The following TTLL10 variants were observed in gnomAD, a reference collection of about 807,000 sequenced individuals.
TTLL10 encodes tubulin tyrosine ligase like 10.
Under a neutral mutation model 69.0 loss-of-function variants are expected in TTLL10, and 61 were observed. The ratio of observed to expected loss-of-function variants is 0.88; its 90% CI spans 0.72 to 1.09. TTLL10 has a LOEUF of 1.09. TTLL10 is among the 50% of genes least tolerant of loss of function. The pLI, the probability that TTLL10 is intolerant of heterozygous loss-of-function variation, is 0.00. For missense variants in TTLL10, 962 were observed against 945.9 expected (o/e 1.02, Z -0.22); for synonymous variants, 408 against 393.3 (o/e 1.04, Z -0.44).
Position 1,180,022 on chromosome 1 carries a change from C to T in TTLL10, c.200-12C>T, listed in dbSNP as rs768804708. ...CCGTAGCCACCCCGGTGGGACCCCA[C>T]CCCGTTCACAGGCCCGGCCCACGAG... On this transcript the variant is annotated splice_polypyrimidine_tract_variant and intron_variant, in intron 5 of 15. Coordinates refer to ENST00000379289, the MANE Select transcript of TTLL10 (RefSeq NM_001130045.2). The T allele has an allele frequency of 2.0e-6, 3 of 1,517,776 alleles. No homozygotes were observed. Among genetic ancestry groups the T allele is most frequent in the East Asian group, 2.3e-5 (1 of 43,606 alleles). The allele number at this position is 1,517,776 out of a possible 1,614,324, so 94.0% of individuals were successfully genotyped here.
rs1205396656 is a variant in TTLL10 at position 1,197,654 on chromosome 1, G to A, written c.1829G>A (p.Arg610His). The A allele has an allele frequency of 4.0e-6, 6 of 1,498,546 alleles. No homozygotes were observed. Among genetic ancestry groups the A allele is most frequent in the East Asian group, 5.4e-5 (2 of 36,964 alleles). The allele number at this position is 1,498,546 out of a possible 1,614,324, so 92.8% of individuals were successfully genotyped here. Residue 610 changes from arginine (R) to histidine (H), a missense_variant, in exon 16 of 16, where the codon CGC (arginine) becomes CAC (histidine). By Grantham distance (29) the Arg-to-His change is conservative. Transcript: ENST00000379289. ...CATGCCCCAGACCAGCCGGGCGCCC[G>A]CAGGCCTGCGCCACCTCCCTTGGTG... ...MPHAPDQPGA[R>H]RPAPPPLVPQ...
In TTLL10 at chr1:1,182,436, C is replaced by G. The variant is rs1233184676; in HGVS notation, c.906C>G (p.Thr302=). 6 of 1,613,764 alleles carry G rather than the reference C, an allele frequency of 3.7e-6. No individual in the cohort carries two copies. Among genetic ancestry groups the G allele is most frequent in the Non-Finnish European group, 5.1e-6 (6 of 1,179,912 alleles). The change falls in exon 10 of 16, where the codon ACC becomes ACG. Residue 302 remains threonine, a synonymous_variant. Coordinates refer to ENST00000379289, the MANE Select transcript of TTLL10 (RefSeq NM_001130045.2). ...DLKHEREAFF[T]LFDETQIWIC... is the part of the protein sequence containing the mutation. The stretch of plus-strand genomic sequence containing the variant: ...AACACGAGAGAGAGGCCTTTTTCAC[C>G]TTGTTTGATGGTGAGACGCTGCTGG...
At chr1:1,187,034 G>A (rs1395141556) in intron 13 of TTLL10, among the ~76,000 whole-genome samples, 1 of 151,148 alleles carries the variant, frequency 6.6e-6, no homozygotes, top group Non-Finnish European at 1.5e-5. Flanking sequence ...TTTTAGTAGA[G>A]ACAGGGTTTC....
In TTLL10 at chr1:1,189,663, T is replaced by C. The variant is rs533102613; in HGVS notation, c.1401+4554T>C. Among the ~76,000 whole-genome samples, 6 of 152,340 alleles carry C rather than the reference T, an allele frequency of 3.9e-5. No individual in the cohort carries two copies. The South Asian group carries it at 1.0e-3, about 26-fold the overall frequency. On this transcript the variant is annotated intron_variant, in intron 13 of 15. Coordinates refer to ENST00000379289, the MANE Select transcript of TTLL10 (RefSeq NM_001130045.2). ...TTTTGGAGTCTTTGTGAAGGATTGC[T>C]GTTAATTCTTTGTTTGAAATAATTC... is the stretch of plus-strand genomic sequence containing the variant.
At position 1,185,207 on chromosome 1, in the gene TTLL10, G is replaced by A. The variant is rs564162557; in HGVS notation, c.1401+98G>A. ...AGGCACACAGATGTCCGTGGCGTGC[G>A]TGGGCGGCTGCGCTGAAGTGTGACC... On this transcript the variant is annotated intron_variant, in intron 13 of 15. Transcript: ENST00000379289. This position sits in a 1 kb window ranked among gnomAD's most constrained non-coding sequence, Gnocchi z 6.1. The A allele has an allele frequency of 6.4e-5, 98 of 1,542,182 alleles. No homozygotes were observed. The highest frequency in any genetic ancestry group is 3.9e-4 in the East Asian group (17 of 43,674).
In TTLL10 at chr1:1,185,053, GAC is replaced by G. The variant is rs750514780; in HGVS notation, c.1348_1349del (p.Thr450ValfsTer43). The part of the protein sequence containing the change: ...SMEHLNRYIS[D>X]TFWKARGLAK... ...GGAACACCTCAACCGCTACATCAGT[GAC>G]ACGTTCTGGAAGGCCCGGGGCCTCG... On this transcript the variant is annotated frameshift_variant, in exon 13 of 16. Transcript: ENST00000379289. LOFTEE classifies it high-confidence loss of function. The surrounding 1 kb of genome is among the most constrained non-coding windows in gnomAD (Gnocchi z 6.1). 5.0e-6 allele frequency: 8 copies of G among 1,613,968 alleles called. No homozygotes were observed. Among genetic ancestry groups the G allele is most frequent in the Non-Finnish European group, 6.8e-6 (8 of 1,180,022 alleles).
Position 1,180,479 on chromosome 1 carries a change from G to A in TTLL10, c.507-4G>A, listed in dbSNP as rs372983676. The A allele has an allele frequency of 3.7e-4, 322 of 879,320 alleles. 1 individual carries two copies. Among genetic ancestry groups the A allele is most frequent in the Non-Finnish European group, 4.6e-4 (274 of 595,078 alleles). 54.5% of individuals were successfully genotyped at this position (879,320 alleles called of 1,614,324 possible). On this transcript the variant is annotated splice_region_variant and splice_polypyrimidine_tract_variant and intron_variant, in intron 6 of 15. Transcript: ENST00000379289. ...CAGGTCACCCCCGCCCCCACCCCTC[G>A]CAGCATCAGCTCCTACTGCAAAAGC...
In TTLL10 at chr1:1,183,985, C is replaced by T. The variant is rs760710090; in HGVS notation, c.1154C>T (p.Ala385Val). The T allele has an allele frequency of 1.9e-6, 3 of 1,614,238 alleles. No individual in the cohort carries two copies. Among genetic ancestry groups the T allele is most frequent in the Middle Eastern group, 1.6e-4 (1 of 6,062 alleles). The change falls in exon 12 of 16, where the codon GCC becomes GTC. Residue 385 changes from alanine to valine, a missense_variant. Ala to Val is a moderately conservative substitution (Grantham distance 64). Coordinates refer to ENST00000379289, the MANE Select transcript of TTLL10 (RefSeq NM_001130045.2). ...GACGTGCGCTCCTACCTGCTCATTG[C>T]CTGCACCACACCCTACATGATCTTC... Reference protein sequence around the residue: ...KFDVRSYLLIACTTPYMIFFG... With the variant: ...KFDVRSYLLIVCTTPYMIFFG...
intron 5 of TTLL10, 111 bp from the exon 6 acceptor site, chr1:1,179,923 G>A: frequency 6.9e-7 from 1 of 1,439,114 alleles, no homozygotes; most frequent in African/African-American, 1.4e-5. Context: ...CGGGCCAGGG[G>A]GATTGTCCAG....
intron 13 of TTLL10, among the ~76,000 whole-genome samples, chr1:1,188,878 C>T (rs922637917): frequency 1.2e-4 from 18 of 152,166 alleles, no homozygotes; most frequent in Admixed American, 8.5e-4. Flanking sequence ...CTGTCACCTA[C>T]GGTAAATATT....
chr1:1,179,549 C>T (rs1646977332), intron 4 of TTLL10, 108 bp from the exon 5 acceptor site: 4 of 1,508,014 alleles, frequency 2.7e-6, no homozygotes, highest in Non-Finnish European at 3.6e-6. Context: ...CAGGGTTCCG[C>T]CTGGCTGGCA....
chr1:1,187,109 G>A (rs561323937), intron 13 of TTLL10, among the ~76,000 whole-genome samples: 3 of 151,846 alleles, frequency 2.0e-5, no homozygotes, highest in South Asian at 4.2e-4. Context: ...GCCTCCCAAA[G>A]TGCTGGGATT....
chr1:1,183,797 G>A, intron 11 of TTLL10, 123 bp from the exon 12 acceptor site: 1 of 1,299,638 alleles, frequency 7.7e-7, no homozygotes, highest in Non-Finnish European at 1.1e-6. Context: ...TTTCCCTGGA[G>A]GTCACACCTG....
rs923164712 is a variant in TTLL10, at chr1:1,179,208, C to T, written c.-8C>T. 7.2e-6 allele frequency: 11 copies of T among 1,536,690 alleles called. No individual in the cohort carries two copies. The highest frequency in any genetic ancestry group is 9.7e-6 in the Non-Finnish European group (11 of 1,139,830). The stretch of plus-strand genomic sequence containing the variant: ...CTTCAGGGCCCTCGCCCGGGCACCC[C>T]CCGGCCAATGGACCACAGCTGCACC... On this transcript the variant is annotated 5_prime_UTR_variant, in exon 4 of 16. Coordinates refer to ENST00000379289, the MANE Select transcript of TTLL10 (RefSeq NM_001130045.2).
intron 2 of TTLL10, 33 bp from the exon 3 acceptor site, chr1:1,174,391 A>T (rs1646818601): frequency 6.5e-6 from 1 of 152,678 alleles, no homozygotes; most frequent in Non-Finnish European, 1.5e-5. Flanking sequence ...GCAGGACACT[A>T]ACATGTGGTC....
intron 12 of TTLL10, among the ~76,000 whole-genome samples, chr1:1,184,623 G>A (rs890836674): frequency 2.0e-5 from 3 of 152,200 alleles, no homozygotes; most frequent in Admixed American, 6.5e-5. Context: ...AGCAAGGTTA[G>A]GGGCGGCTGT....
In TTLL10 at chr1:1,197,680, C is replaced by T. The variant is rs1392077896; in HGVS notation, c.1855C>T (p.Pro619Ser). 1.3e-6 allele frequency: 2 copies of T among 1,506,322 alleles called. No individual in the cohort carries two copies. The highest frequency in any genetic ancestry group is 1.2e-5 in the South Asian group (1 of 81,514). The allele number at this position is 1,506,322 out of a possible 1,614,324, so 93.3% of individuals were successfully genotyped here. Reference sequence around the variant, plus strand: ...CAGGCCTGCGCCACCTCCCTTGGTGCCGCAGCGTCCCCGGCCACCCGGCCC... The same window carrying T: ...CAGGCCTGCGCCACCTCCCTTGGTGTCGCAGCGTCCCCGGCCACCCGGCCC... ...ARRPAPPPLV[P>S]QRPRPPGPDL... Residue 619 changes from proline (P) to serine (S), a missense_variant, in exon 16 of 16, where the codon CCG becomes TCG. By Grantham distance (74) the Pro-to-Ser change is moderately conservative. Coordinates refer to ENST00000379289, the MANE Select transcript of TTLL10 (RefSeq NM_001130045.2).
intron 10 of TTLL10, among the ~76,000 whole-genome samples, 175 bp from the exon 11 acceptor site, chr1:1,182,701 G>A (rs1394096187): frequency 6.6e-6 from 1 of 152,078 alleles, no homozygotes; most frequent in Non-Finnish European, 1.5e-5. Flanking sequence ...TGGTCCGGGT[G>A]AGCGTGGTCG....
chr1:1,183,786 C>T lies in TTLL10; in HGVS notation c.1089-134C>T, dbSNP rs562114196. 29 of 1,201,382 alleles carry T rather than the reference C, an allele frequency of 2.4e-5. No homozygotes were observed. In the African/African-American group the frequency reaches 3.0e-4, roughly 12 times the overall value. The allele number at this position is 1,201,382 out of a possible 1,614,324, so 74.4% of individuals were successfully genotyped here. A position where few individuals can be genotyped will look rare whatever the true frequency, so the allele number is the denominator to read the frequency against. Reference sequence around the variant, plus strand: ...ACATATTCAGGCCCAGAAATGCCCCCTTTCCCTGGAGGTCACACCTGGGAC... The same window carrying T: ...ACATATTCAGGCCCAGAAATGCCCCTTTTCCCTGGAGGTCACACCTGGGAC... On this transcript the variant is annotated intron_variant, in intron 11 of 15. Coordinates refer to ENST00000379289, the MANE Select transcript of TTLL10 (RefSeq NM_001130045.2).
Sources: allele counts gnomAD v4.1 joint callset (sites outside exome capture counted in the v4.1 genomes callset), GRCh38; gene constraint gnomAD v4.1.1; non-coding constraint Gnocchi (gnomAD v3.1); transcripts MANE v1.5; gene names NCBI Gene and HGNC (gene_info 2026-07-23, HGNC 2026-07-21).